BCL11B: variants seen among roughly 807,000 people sequenced by gnomAD.
BCL11B encodes B-cell lymphoma/leukemia 11B.
Under a neutral mutation model 49.9 loss-of-function variants are expected in BCL11B, and 8 were observed. That is an observed-to-expected ratio of 0.16 (90% CI 0.09 to 0.29). The LOEUF (loss-of-function observed/expected upper bound fraction) is 0.29, where lower values mean the gene tolerates loss of function less well. Among genes scored for constraint, BCL11B ranks in the 10% least tolerant of loss-of-function variants. The pLI, the probability that BCL11B is intolerant of heterozygous loss-of-function variation, is 1.00. For synonymous variants in BCL11B, 739 were observed against 637.4 expected (o/e 1.16, Z -2.40); for missense variants, 1,006 against 1,351.0 (o/e 0.74, Z 4.00).
chr14:99,243,322 C>G (rs1456962129), intron 2 of BCL11B, among the ~76,000 whole-genome samples: 1 of 152,154 alleles, frequency 6.6e-6, no homozygotes, highest in Non-Finnish European at 1.5e-5. Flanking sequence ...CCCAAAGCCC[C>G]TAATTCTTCT....
Position 99,262,719 on chromosome 14 carries a change from G to A in BCL11B, c.59-4880C>T, listed in dbSNP as rs1005112661. ...GAAGAGATCTTTTCATCTCCTCTCC[G>A]TGAACACTTGGGGAGGGGCTGGGAC... On this transcript the variant is annotated intron_variant, in intron 1 of 3. Transcript: ENST00000357195. The surrounding 1 kb of genome is among the most constrained non-coding windows in gnomAD (Gnocchi z 4.2). Among the ~76,000 whole-genome samples, 1 of 152,130 alleles carries A rather than the reference G, an allele frequency of 6.6e-6. No homozygotes were observed. The highest frequency in any genetic ancestry group is 1.5e-5 in the Non-Finnish European group (1 of 68,036).
rs540685214 is a variant in BCL11B, at chr14:99,230,371, C to T, written c.640+974G>A. Reference sequence around the variant, plus strand: ...CAAAGCAGGGACCAATCAAATCTGCCCCAGCTCTGCACCCCCCTTCTCCTT... The same window carrying T: ...CAAAGCAGGGACCAATCAAATCTGCTCCAGCTCTGCACCCCCCTTCTCCTT... On this transcript the variant is annotated intron_variant, in intron 3 of 3. Transcript: ENST00000357195. Among the ~76,000 whole-genome samples, 15 of 152,328 alleles carry T rather than the reference C, an allele frequency of 9.8e-5. No individual in the cohort carries two copies. The South Asian group carries it at 2.9e-3, about 29-fold the overall frequency.
At chr14:99,238,645 C>T (rs1438365307) in intron 2 of BCL11B, among the ~76,000 whole-genome samples, 3 of 152,014 alleles carry the variant, frequency 2.0e-5, no homozygotes, top group Admixed American at 1.3e-4. Context: ...GGTAGGGGGG[C>T]GCAGTGAGGG....
chr14:99,223,167 T>G (rs1004616566), intron 3 of BCL11B, among the ~76,000 whole-genome samples: 3 of 152,224 alleles, frequency 2.0e-5, no homozygotes, highest in Non-Finnish European at 2.9e-5. Flanking sequence ...ACCTTGGAAT[T>G]CCAGCTGATC....
intron 2 of BCL11B, among the ~76,000 whole-genome samples, chr14:99,239,037 T>C (rs558521515): frequency 6.6e-6 from 1 of 152,312 alleles, no homozygotes; most frequent in South Asian, 2.1e-4. Context: ...ATCAGCAACG[T>C]GGACATGTTA....
At chr14:99,180,442 A>G (rs1004050596) in intron 3 of BCL11B, among the ~76,000 whole-genome samples, 1 of 152,174 alleles carries the variant, frequency 6.6e-6, no homozygotes, top group Non-Finnish European at 1.5e-5. Flanking sequence ...CTCTAGACAG[A>G]GCCCCAGGAC....
chr14:99,193,469 A>G (rs1056824733), intron 3 of BCL11B, among the ~76,000 whole-genome samples: 1 of 150,214 alleles, frequency 6.7e-6, no homozygotes, highest in Non-Finnish European at 1.5e-5. Context: ...AGGAAGTTTA[A>G]AAAAAAAAGG....
chr14:99,250,867 G>GAA lies in BCL11B; in HGVS notation c.427+6602_427+6603dup, dbSNP rs11375473. Among the ~76,000 whole-genome samples the GAA allele has an allele frequency of 4.0e-3, 599 of 148,638 alleles. 4 individuals carry two copies. Among genetic ancestry groups the GAA allele is most frequent in the African/African-American group, 0.012 (474 of 40,532 alleles). On this transcript the variant is annotated intron_variant, in intron 2 of 3. Transcript: ENST00000357195. ...ATAAATAAGGCCTCAAACCTTAAGA[G>GAA]AAAAAAAAAACACCCATTTATGTGA...
intron 3 of BCL11B, among the ~76,000 whole-genome samples, chr14:99,185,154 A>G (rs1168824442): frequency 6.6e-6 from 1 of 152,110 alleles, no homozygotes; most frequent in Non-Finnish European, 1.5e-5. Flanking sequence ...CTACATGATG[A>G]GGACGGGCGC....
rs1189885813 is a variant in BCL11B, at chr14:99,241,541, G to A, written c.428-9984C>T. 6.6e-6 allele frequency among the ~76,000 whole-genome samples: 1 copy of A among 152,090 alleles called. No homozygotes were observed. The highest frequency in any genetic ancestry group is 1.9e-4 in the East Asian group (1 of 5,186). ...AAAAATTAAGTCTTGGGGCTGAGAC[G>A]AAGGGAACCTGACTCAGCTCCTCCG... is the stretch of plus-strand genomic sequence containing the variant. On this transcript the variant is annotated intron_variant, in intron 2 of 3. Coordinates refer to ENST00000357195, the MANE Select transcript of BCL11B (RefSeq NM_138576.4). The surrounding 1 kb of genome is among the most constrained non-coding windows in gnomAD (Gnocchi z 4.4).
chr14:99,250,264 T>TGACCTCATGATCCCCC (rs1295497618), intron 2 of BCL11B, among the ~76,000 whole-genome samples: 1 of 151,934 alleles, frequency 6.6e-6, no homozygotes, highest in African/African-American at 2.4e-5. Context: ...CTCGATCACC[T>TGACCTCATGATCCCCC]GACCTCATGA....
chr14:99,271,039 C>CT, intron 1 of BCL11B, 122 bp downstream of exon 1: 1 of 1,056,176 alleles, frequency 9.5e-7, no homozygotes, highest in Non-Finnish European at 1.3e-6. Flanking sequence ...GCCGTAGACT[C>CT]TGCCAGCCAG....
At chr14:99,193,017 T>C (rs1050636522) in intron 3 of BCL11B, among the ~76,000 whole-genome samples, 1 of 152,176 alleles carries the variant, frequency 6.6e-6, no homozygotes, top group African/African-American at 2.4e-5. Context: ...TAAGAGGGGC[T>C]AAGATGAGAT....
At chr14:99,226,080 C>T (rs940652627) in intron 3 of BCL11B, among the ~76,000 whole-genome samples, 1 of 152,238 alleles carries the variant, frequency 6.6e-6, no homozygotes, top group Non-Finnish European at 1.5e-5. Flanking sequence ...GGAAGAGCAA[C>T]AGCACTGTGA....
rs567643219 is a variant in BCL11B at position 99,242,149 on chromosome 14, T to A, written c.428-10592A>T. Among the ~76,000 whole-genome samples the A allele has an allele frequency of 2.6e-5, 4 of 152,196 alleles. No individual in the cohort carries two copies. The East Asian group carries it at 5.8e-4, about 22-fold the overall frequency. Reference sequence around the variant, plus strand: ...GTTCAGAGTTTTAGGAGAACAAGAATCCTCTACCCCAAAATACATGCATGT... The same window carrying A: ...GTTCAGAGTTTTAGGAGAACAAGAAACCTCTACCCCAAAATACATGCATGT... On this transcript the variant is annotated intron_variant, in intron 2 of 3. Transcript: ENST00000357195. The surrounding 1 kb of genome is among the most constrained non-coding windows in gnomAD (Gnocchi z 4.4).
rs1888319018 is a variant in BCL11B, at chr14:99,231,140, G to A, written c.640+205C>T. ...GAGCAAGACTCTCAGAACGGGTGGG[G>A]GCACCGTGGGGGACTCCTGACCGAG... On this transcript the variant is annotated intron_variant, in intron 3 of 3. Coordinates refer to ENST00000357195, the MANE Select transcript of BCL11B (RefSeq NM_138576.4). The surrounding 1 kb of genome is among the most constrained non-coding windows in gnomAD (Gnocchi z 8.1). Among the ~76,000 whole-genome samples, 1 of 152,210 alleles carries A rather than the reference G, an allele frequency of 6.6e-6. No individual in the cohort carries two copies. Among genetic ancestry groups the A allele is most frequent in the Non-Finnish European group, 1.5e-5 (1 of 68,030 alleles).
chr14:99,256,060 G>A (rs547959248), intron 2 of BCL11B, among the ~76,000 whole-genome samples: 1 of 152,344 alleles, frequency 6.6e-6, no homozygotes, highest in East Asian at 1.9e-4. Context: ...AGCAAAGTGA[G>A]GCTCAGCATC....
chr14:99,182,253 G>A (rs1417861410), intron 3 of BCL11B, among the ~76,000 whole-genome samples: 2 of 152,172 alleles, frequency 1.3e-5, no homozygotes, highest in Non-Finnish European at 2.9e-5. Context: ...CTCACATGCT[G>A]CTCCAACAAC....
Position 99,225,406 on chromosome 14 carries a change from C to T in BCL11B, c.640+5939G>A, listed in dbSNP as rs1595262552. Among the ~76,000 whole-genome samples the T allele has an allele frequency of 2.6e-5, 4 of 152,300 alleles. No homozygotes were observed. In the East Asian group the frequency reaches 7.7e-4, roughly 29 times the overall value. On this transcript the variant is annotated intron_variant, in intron 3 of 3. Transcript: ENST00000357195. ...GGGCCAGTCCGCTCCACACAGAGGG[C>T]AATGCAAGCCTCCTCTGCCACTTTC...
Sources: allele counts gnomAD v4.1 joint callset (sites outside exome capture counted in the v4.1 genomes callset), GRCh38; gene constraint gnomAD v4.1.1; non-coding constraint Gnocchi (gnomAD v3.1); transcripts MANE v1.5; gene names NCBI Gene and HGNC (gene_info 2026-07-23, HGNC 2026-07-21).